Variants in CLIP2 observed in about 807,000 individuals in gnomAD.
CLIP2 encodes CAP-Gly domain containing linker protein 2.
CLIP2 carries 41 observed loss-of-function variants against 111.7 expected under a neutral mutation model. The ratio of observed to expected loss-of-function variants is 0.37; its 90% CI spans 0.29 to 0.48. CLIP2 has a LOEUF of 0.48. Among genes scored for constraint, CLIP2 ranks in the 20% least tolerant of loss-of-function variants. CLIP2 has a pLI of 0.99. For missense variants in CLIP2, 1,160 were observed against 1,422.1 expected, an observed-to-expected ratio of 0.82 and a Z score of 2.96; for synonymous variants, 660 against 644.2, an observed-to-expected ratio of 1.02 and a Z score of -0.37.
intron 1 of CLIP2, among the ~76,000 whole-genome samples, chr7:74,304,898 T>G (rs1161196135): frequency 1.3e-5 from 2 of 151,666 alleles, no homozygotes; most frequent in African/African-American, 4.8e-5. Flanking sequence ...TGAGCTATGA[T>G]TGCATCACTA....
intron 1 of CLIP2, among the ~76,000 whole-genome samples, chr7:74,310,496 T>C (rs531620516): frequency 4.6e-5 from 7 of 152,250 alleles, no homozygotes; most frequent in African/African-American, 1.7e-4. Context: ...ACACTCAGCC[T>C]GGGTGACAGA....
At chr7:74,321,816 A>AT (rs1439478825) in intron 2 of CLIP2, among the ~76,000 whole-genome samples, 12 of 151,766 alleles carry the variant, frequency 7.9e-5, no homozygotes, top group Non-Finnish European at 1.8e-4. Context: ...CAGTGTTTAT[A>AT]AAGTCTGCAG....
At chr7:74,297,122 C>T (rs1396499938) in intron 1 of CLIP2, among the ~76,000 whole-genome samples, 5 of 152,118 alleles carry the variant, frequency 3.3e-5, no homozygotes, top group African/African-American at 1.2e-4. Context: ...TGCATCTGTA[C>T]AGCTGCGGAA....
In CLIP2 at chr7:74,349,458, G is replaced by A. The variant is rs868933068; in HGVS notation, c.679-4422G>A. 1.5e-3 allele frequency among the ~76,000 whole-genome samples: 104 copies of A among 70,672 alleles called. 4 individuals carry two copies. Among genetic ancestry groups the A allele is most frequent in the African/African-American group, 4.6e-3 (92 of 19,796 alleles). The allele number at this position is 70,672 out of a possible 152,430, so 46.4% of individuals were successfully genotyped here. Reference sequence around the variant, plus strand: ...AAAAAAAAAAAAAAAGTATGTATGTGTGTGTGTGTGTGTATATATATATAT... The same window carrying A: ...AAAAAAAAAAAAAAAGTATGTATGTATGTGTGTGTGTGTATATATATATAT... On this transcript the variant is annotated intron_variant, in intron 3 of 16. Transcript: ENST00000223398.
At chr7:74,370,516 G>T (rs1325962709) in intron 8 of CLIP2, among the ~76,000 whole-genome samples, 1 of 150,552 alleles carries the variant, frequency 6.6e-6, no homozygotes, top group Non-Finnish European at 1.5e-5. Flanking sequence ...CCCCTTTCCT[G>T]CTCACACATC....
chr7:74,301,205 G>A (rs1037448062), intron 1 of CLIP2, among the ~76,000 whole-genome samples: 2 of 151,982 alleles, frequency 1.3e-5, no homozygotes, highest in Non-Finnish European at 2.9e-5. Flanking sequence ...TTTTTATATG[G>A]TTCTTGGCCG....
At position 74,338,489 on chromosome 7, in the gene CLIP2, C is replaced by G. The variant is rs782663294; in HGVS notation, c.163C>G (p.Pro55Ala). 1.2e-6 allele frequency: 2 copies of G among 1,612,266 alleles called. No individual in the cohort carries two copies. Among genetic ancestry groups the G allele is most frequent in the Non-Finnish European group, 1.7e-6 (2 of 1,179,708 alleles). The change falls in exon 3 of 17, where the codon CCG (proline) becomes GCG (alanine). Residue 55 changes from proline to alanine, a missense_variant. By Grantham distance (27) the Pro-to-Ala change is conservative. Around this residue, in one of 5 missense-constraint regions of CLIP2, gnomAD observed 301 missense variants for 315.2 expected, o/e 0.96. Transcript: ENST00000223398. This position sits in a 1 kb window ranked among gnomAD's most constrained non-coding sequence, Gnocchi z 4.3. ...ACAGTCATCTGGACCCTCCTCCTCC[C>G]CGGCCGCAGCTGCTGCCCCCGAGAA... ...HKQSSGPSSSPAAAAAPEKPG... is the reference protein window; with the variant it reads ...HKQSSGPSSSAAAAAAPEKPG...
chr7:74,317,818 A>C, intron 2 of CLIP2, 151 bp downstream of exon 2: 1 of 1,046,868 alleles, frequency 9.6e-7, no homozygotes, highest in Non-Finnish European at 1.3e-6. Context: ...CCTGATCAAC[A>C]CTGGGAGGTT....
chr7:74,378,930 G>A (rs1554313449), intron 10 of CLIP2, among the ~76,000 whole-genome samples: 1 of 152,166 alleles, frequency 6.6e-6, no homozygotes, highest in Non-Finnish European at 1.5e-5. Flanking sequence ...TGCTCTTCCA[G>A]GATCCTGGGC....
chr7:74,337,605 G>A (rs377576739), intron 2 of CLIP2, among the ~76,000 whole-genome samples: 2 of 109,678 alleles, frequency 1.8e-5, no homozygotes, highest in African/African-American at 6.0e-5. Context: ...TTTTTTTTTT[G>A]TCTTTTTAAA....
chr7:74,344,678 C>G (rs1014428767), intron 3 of CLIP2, among the ~76,000 whole-genome samples: 3 of 152,116 alleles, frequency 2.0e-5, no homozygotes, highest in African/African-American at 7.2e-5. Flanking sequence ...GCTGGGATTA[C>G]AGGCATGAGC....
rs188171952 is a variant in CLIP2 at position 74,296,746 on chromosome 7, G to A, written c.-68+7012G>A. On this transcript the variant is annotated intron_variant, in intron 1 of 16. Transcript: ENST00000223398. ...AGAGGTTGCAGTAAGCTGAGATCGC[G>A]TCACTGCACTCCAGCCTGGGTGACA... Among the ~76,000 whole-genome samples, 513 of 146,190 alleles carry A rather than the reference G, an allele frequency of 3.5e-3. 7 individuals are homozygous for A. Among genetic ancestry groups the A allele is most frequent in the South Asian group, 0.014 (63 of 4,624 alleles).
intron 8 of CLIP2, among the ~76,000 whole-genome samples, chr7:74,368,676 G>T (rs78604775): frequency 6.6e-6 from 1 of 151,984 alleles, no homozygotes; most frequent in Non-Finnish European, 1.5e-5. Flanking sequence ...CCTCTCCTTC[G>T]TCTTCTGTTC....
At chr7:74,329,300 C>T (rs782683414) in intron 2 of CLIP2, among the ~76,000 whole-genome samples, 1 of 152,026 alleles carries the variant, frequency 6.6e-6, no homozygotes, top group Non-Finnish European at 1.5e-5. Flanking sequence ...CCGCCTCGGC[C>T]TCCCAGAGTG....
chr7:74,390,201 GAAA>G (rs1791254636), intron 13 of CLIP2, among the ~76,000 whole-genome samples: 1 of 101,572 alleles, frequency 9.8e-6, no homozygotes, highest in Non-Finnish European at 2.3e-5. Context: ...AAGAAAGAAA[GAAA>G]GAAAGAAAGA....
At chr7:74,373,698 C>G (rs1790702833) in intron 9 of CLIP2, among the ~76,000 whole-genome samples, 1 of 152,072 alleles carries the variant, frequency 6.6e-6, no homozygotes, top group South Asian at 2.1e-4. Context: ...TGGGAATGTC[C>G]TGTCTCTATG....
chr7:74,315,232 T>A (rs1788738556), intron 1 of CLIP2, among the ~76,000 whole-genome samples: 1 of 152,094 alleles, frequency 6.6e-6, no homozygotes, highest in South Asian at 2.1e-4. Flanking sequence ...GCCGAGATGC[T>A]GTCACTGCGC....
rs541102610 is a variant in CLIP2 at position 74,395,063 on chromosome 7, C to T, written c.2721-2011C>T. On this transcript the variant is annotated intron_variant, in intron 13 of 16. Coordinates refer to ENST00000223398, the MANE Select transcript of CLIP2 (RefSeq NM_003388.5). ...CTTTCCCAGAGCCTGGCCTCATCCC[C>T]GTCTCCCTGCTGTCAACAGCTGTCA... is the stretch of plus-strand genomic sequence containing the variant. 2.0e-4 allele frequency among the ~76,000 whole-genome samples: 30 copies of T among 152,314 alleles called. 1 individual carries two copies. The East Asian group carries it at 5.6e-3, about 28-fold the overall frequency.
chr7:74,380,968 T>G (rs1430585135), intron 11 of CLIP2, 105 bp downstream of exon 11: 2 of 1,103,482 alleles, frequency 1.8e-6, no homozygotes, highest in African/African-American at 3.1e-5. Context: ...TGCCATTTGG[T>G]AAGAGTCACC....
Sources: allele counts gnomAD v4.1 joint callset (sites outside exome capture counted in the v4.1 genomes callset), GRCh38; gene constraint gnomAD v4.1.1; regional missense constraint gnomAD v4.1.1; non-coding constraint Gnocchi (gnomAD v3.1); transcripts MANE v1.5; gene names NCBI Gene and HGNC (gene_info 2026-07-23, HGNC 2026-07-21).